MEGF9: variants seen among roughly 807,000 people sequenced by gnomAD.
The protein encoded by MEGF9 is multiple EGF like domains 9, also known as multiple epidermal growth factor-like domains protein 9.
MEGF9 carries 6 observed loss-of-function variants against 46.8 expected under a neutral mutation model. The ratio of observed to expected loss-of-function variants is 0.13; its 90% CI spans 0.07 to 0.25. The LOEUF (loss-of-function observed/expected upper bound fraction) is 0.25, where lower values mean the gene tolerates loss of function less well. Ranked by LOEUF, MEGF9 falls within the 10% of genes least tolerant of loss-of-function variation. The pLI is 1.00. For synonymous variants in MEGF9, 302 were observed against 330.7 expected (o/e 0.91, Z 0.94); for missense variants, 683 against 792.4 (o/e 0.86, Z 1.66).
intron 1 of MEGF9, among the ~76,000 whole-genome samples, chr9:120,712,951 C>G (rs1170611556): frequency 1.3e-5 from 2 of 152,170 alleles, no homozygotes; most frequent in Admixed American, 1.3e-4. Context: ...TCTACGTGGG[C>G]TCAAACAGAA....
intron 1 of MEGF9, among the ~76,000 whole-genome samples, chr9:120,699,535 T>C (rs1245568163): frequency 1.3e-5 from 2 of 151,740 alleles, no homozygotes; most frequent in East Asian, 1.9e-4. Flanking sequence ...CTGGGCAATA[T>C]AGCGAGACTG....
rs1047596281 is a variant in MEGF9 at position 120,600,955 on chromosome 9, A to T, written c.*4235T>A. 7.2e-5 allele frequency: 11 copies of T among 152,788 alleles called. No individual in the cohort carries two copies. The highest frequency in any genetic ancestry group is 2.6e-4 in the African/African-American group (11 of 41,596). 9.5% of individuals were successfully genotyped at this position (152,788 alleles called of 1,614,324 possible). On this transcript the variant is annotated 3_prime_UTR_variant, in exon 6 of 6. Transcript: ENST00000373930. Reference sequence around the variant, plus strand: ...AAATTATATACATTTATTTTTAATAATTTTAAATAACACTCTTGTATAAAT... The same window carrying T: ...AAATTATATACATTTATTTTTAATATTTTTAAATAACACTCTTGTATAAAT...
Position 120,613,695 on chromosome 9 carries a change from TGAGA to T in MEGF9, c.944-1160_944-1157del, listed in dbSNP as rs2043458973. Among the ~76,000 whole-genome samples, 7 of 152,194 alleles carry T rather than the reference TGAGA, an allele frequency of 4.6e-5. No homozygotes were observed. In the South Asian group the frequency reaches 1.5e-3, roughly 32 times the overall value. ...CAGCATAACATTTGAAAATACAAAA[TGAGA>T]AAGTGTAACATAATTTACATTCCTT... is the stretch of plus-strand genomic sequence containing the variant. On this transcript the variant is annotated intron_variant, in intron 3 of 5. Coordinates refer to ENST00000373930, the MANE Select transcript of MEGF9 (RefSeq NM_001080497.3).
At chr9:120,665,897 A>G (rs1411373421) in intron 1 of MEGF9, among the ~76,000 whole-genome samples, 1 of 152,106 alleles carries the variant, frequency 6.6e-6, no homozygotes, top group Non-Finnish European at 1.5e-5. Flanking sequence ...TTGAAAATCA[A>G]TTGGCTGTAA....
At chr9:120,705,580 A>G (rs1156787419) in intron 1 of MEGF9, among the ~76,000 whole-genome samples, 1 of 151,832 alleles carries the variant, frequency 6.6e-6, no homozygotes, top group Non-Finnish European at 1.5e-5. Context: ...ATAGGGAAAG[A>G]TTTTTCTGAC....
chr9:120,687,046 T>A (rs2132335908), intron 1 of MEGF9, among the ~76,000 whole-genome samples: 1 of 152,316 alleles, frequency 6.6e-6, no homozygotes, highest in South Asian at 2.1e-4. Context: ...TTCTGCTATA[T>A]GTTTTAATGC....
At chr9:120,631,432 T>C (rs2043550049) in intron 2 of MEGF9, among the ~76,000 whole-genome samples, 1 of 152,192 alleles carries the variant, frequency 6.6e-6, no homozygotes, top group South Asian at 2.1e-4. Flanking sequence ...TTTGTTCTTT[T>C]TGCTCAGAAT....
chr9:120,699,474 T>G (rs1399204842), intron 1 of MEGF9, among the ~76,000 whole-genome samples: 1 of 151,926 alleles, frequency 6.6e-6, no homozygotes, highest in Non-Finnish European at 1.5e-5. Flanking sequence ...TGCCAACACT[T>G]TGTGAGGCTG....
chr9:120,626,632 T>A (rs1207382218), intron 2 of MEGF9, among the ~76,000 whole-genome samples: 1 of 152,148 alleles, frequency 6.6e-6, no homozygotes, highest in Non-Finnish European at 1.5e-5. Flanking sequence ...TGGAGAAGCT[T>A]CAGAATTTCC....
chr9:120,608,460 C>T (rs888266743), intron 4 of MEGF9, among the ~76,000 whole-genome samples: 4 of 152,134 alleles, frequency 2.6e-5, no homozygotes, highest in Non-Finnish European at 4.4e-5. Flanking sequence ...ATTGTTTTAA[C>T]AAAAACTTCC....
chr9:120,707,999 G>A (rs180675067), intron 1 of MEGF9, among the ~76,000 whole-genome samples: 2 of 152,084 alleles, frequency 1.3e-5, no homozygotes, highest in Admixed American at 6.6e-5. Context: ...GAGCCCAGAC[G>A]GTGCCACTGC....
chr9:120,633,705 G>T (rs1191024289), intron 2 of MEGF9, among the ~76,000 whole-genome samples: 1 of 151,780 alleles, frequency 6.6e-6, no homozygotes. Flanking sequence ...TTGAAATTTT[G>T]CTAGTTTTTT....
intron 1 of MEGF9, among the ~76,000 whole-genome samples, chr9:120,672,316 G>T (rs74959736): frequency 6.6e-6 from 1 of 152,050 alleles, no homozygotes; most frequent in South Asian, 2.1e-4. Context: ...TGGGCCAGGG[G>T]TAGTAGCTCG....
intron 2 of MEGF9, among the ~76,000 whole-genome samples, chr9:120,639,636 G>T (rs2043593573): frequency 6.7e-6 from 1 of 149,978 alleles, no homozygotes; most frequent in African/African-American, 2.5e-5. Flanking sequence ...CTCCTCATTT[G>T]TCTAACAGAG....
intron 1 of MEGF9, among the ~76,000 whole-genome samples, chr9:120,685,342 T>C (rs996205649): frequency 1.3e-5 from 2 of 152,212 alleles, no homozygotes; most frequent in East Asian, 1.9e-4. Context: ...CCTCTAATTA[T>C]TGCCAAGGCA....
chr9:120,642,282 A>G (rs1398701925), intron 2 of MEGF9, among the ~76,000 whole-genome samples: 2 of 152,218 alleles, frequency 1.3e-5, no homozygotes, highest in African/African-American at 4.8e-5. Flanking sequence ...GCCAGTACCT[A>G]AACTGATGAG....
intron 2 of MEGF9, among the ~76,000 whole-genome samples, chr9:120,639,987 T>C (rs2043595150): frequency 6.6e-6 from 1 of 152,220 alleles, no homozygotes; most frequent in Non-Finnish European, 1.5e-5. Flanking sequence ...AATGTCTTTA[T>C]ACATATGATT....
chr9:120,620,968 C>T (rs2043496994), intron 3 of MEGF9, among the ~76,000 whole-genome samples: 1 of 152,156 alleles, frequency 6.6e-6, no homozygotes, highest in East Asian at 1.9e-4. Flanking sequence ...TATTTTGCCA[C>T]CCTGTTCTCA....
At chr9:120,664,750 C>T (rs2043717617) in intron 1 of MEGF9, among the ~76,000 whole-genome samples, 1 of 152,166 alleles carries the variant, frequency 6.6e-6, no homozygotes. Flanking sequence ...TAATACAGAG[C>T]ACTCACCGGA....
Sources: gnomAD v4.1 joint callset for allele counts (sites outside exome capture counted in the v4.1 genomes callset) on GRCh38, gnomAD v4.1.1 for gene constraint, MANE v1.5 for transcripts, NCBI Gene and HGNC (gene_info 2026-07-23, HGNC 2026-07-21) for gene names.